TTLL11: variants seen among roughly 807,000 people sequenced by gnomAD.
TTLL11 encodes the protein tubulin polyglutamylase TTLL11.
A neutral mutation model predicts 51.7 loss-of-function variants in TTLL11; 42 were observed. That is an observed-to-expected ratio of 0.81 (90% CI 0.64 to 1.05). The LOEUF (loss-of-function observed/expected upper bound fraction) is 1.05. TTLL11 is among the 50% of genes least tolerant of loss of function. TTLL11 has a pLI of 0.00. For synonymous variants in TTLL11, 381 were observed against 383.5 expected (o/e 0.99, Z 0.08); for missense variants, 799 against 940.4 (o/e 0.85, Z 1.97).
At chr9:122,064,326 A>C (rs1845514635) in intron 1 of TTLL11, among the ~76,000 whole-genome samples, 1 of 152,206 alleles carries the variant, frequency 6.6e-6, no homozygotes, top group South Asian at 2.1e-4. Flanking sequence ...AAGAAGGCTA[A>C]ATTCTAAAAT....
intron 6 of TTLL11, among the ~76,000 whole-genome samples, chr9:121,881,748 G>A (rs1164493343): frequency 6.6e-6 from 1 of 152,198 alleles, no homozygotes; most frequent in Non-Finnish European, 1.5e-5. Context: ...CTCAGACAAG[G>A]GTGTCCTGAC....
chr9:121,893,707 G>A (rs1209215647), intron 6 of TTLL11, among the ~76,000 whole-genome samples: 1 of 152,094 alleles, frequency 6.6e-6, no homozygotes, highest in African/African-American at 2.4e-5. Flanking sequence ...ACCCCACAGA[G>A]AGCTGTAGGT....
chr9:122,014,932 C>T (rs1009326574), intron 3 of TTLL11, among the ~76,000 whole-genome samples: 3 of 152,206 alleles, frequency 2.0e-5, no homozygotes, highest in African/African-American at 7.2e-5. Flanking sequence ...ATCCACAGCA[C>T]TTGGCACTTA....
chr9:121,974,862 A>T (rs1564336021), intron 5 of TTLL11, 22 bp downstream of exon 5: 1 of 1,513,360 alleles, frequency 6.6e-7, no homozygotes, highest in Admixed American at 2.1e-5. Flanking sequence ...AACATAGTCA[A>T]TGAGATGCTC....
chr9:121,827,394 G>A (rs892273116), intron 8 of TTLL11, among the ~76,000 whole-genome samples: 3 of 152,142 alleles, frequency 2.0e-5, no homozygotes, highest in Non-Finnish European at 4.4e-5. Context: ...GAAGGGTGGG[G>A]ACGGGAAGTA....
chr9:121,978,634 C>T (rs1324132558), intron 4 of TTLL11, among the ~76,000 whole-genome samples: 1 of 152,128 alleles, frequency 6.6e-6, no homozygotes, highest in Non-Finnish European at 1.5e-5. Flanking sequence ...GTAATTAAAT[C>T]AGCAATTATG....
At chr9:121,923,181 T>C (rs1268426244) in intron 6 of TTLL11, among the ~76,000 whole-genome samples, 2 of 152,184 alleles carry the variant, frequency 1.3e-5, no homozygotes, top group African/African-American at 4.8e-5. Flanking sequence ...CAAAATTGAG[T>C]ACCACATAAA....
rs2131952834 is a variant in TTLL11, at chr9:122,092,677, C to T, written c.462+10G>A. On this transcript the variant is annotated intron_variant, in intron 1 of 8. Coordinates refer to ENST00000321582, the MANE Select transcript of TTLL11 (RefSeq NM_001139442.2). Reference sequence around the variant, plus strand: ...CTGTGCCCACGCGGCCGGGTCGGGCCGGGCCTCACCTCCTTCCACTTGAGC... The same window carrying T: ...CTGTGCCCACGCGGCCGGGTCGGGCTGGGCCTCACCTCCTTCCACTTGAGC... 6.5e-7 allele frequency: 1 copy of T among 1,536,612 alleles called. No homozygotes were observed. Among genetic ancestry groups the T allele is most frequent in the Non-Finnish European group, 8.7e-7 (1 of 1,146,728 alleles).
chr9:122,050,350 C>A (rs1328275028), intron 1 of TTLL11, among the ~76,000 whole-genome samples: 4 of 152,148 alleles, frequency 2.6e-5, no homozygotes, highest in African/African-American at 4.8e-5. Context: ...AAGGACACTG[C>A]GGTGTGCGTG....
At chr9:122,000,739 CG>C (rs1024688584) in intron 3 of TTLL11, among the ~76,000 whole-genome samples, 33 of 152,264 alleles carry the variant, frequency 2.2e-4, no homozygotes, top group African/African-American at 7.5e-4. Flanking sequence ...CAGCTGCCCT[CG>C]GGGCTGTTGT....
In TTLL11 at chr9:122,033,109, A is replaced by ATTTCTT. The variant is rs1440043198; in HGVS notation, c.560-1259_560-1254dup. ...AGCCGCCATGCCTGGCATCATCCTT[A>ATTTCTT]TTTCTTTTTCTTTTTCTTTTTAGGC... On this transcript the variant is annotated intron_variant, in intron 2 of 8. Transcript: ENST00000321582. Among the ~76,000 whole-genome samples the ATTTCTT allele has an allele frequency of 8.0e-5, 12 of 150,804 alleles. No individual in the cohort carries two copies. The East Asian group carries it at 2.2e-3, about 27-fold the overall frequency.
intron 1 of TTLL11, among the ~76,000 whole-genome samples, chr9:122,092,265 T>C (rs1347695004): frequency 6.6e-6 from 1 of 152,108 alleles, no homozygotes; most frequent in Non-Finnish European, 1.5e-5. Flanking sequence ...GCCTCCAAAA[T>C]AAAAAGTGTT....
chr9:121,870,826 G>C, intron 6 of TTLL11, 78 bp from the exon 7 acceptor site: 1 of 1,426,870 alleles, frequency 7.0e-7, no homozygotes, highest in Non-Finnish European at 9.3e-7. Flanking sequence ...AGCCTCCTCG[G>C]GAGGCAGCAT....
Position 121,899,378 on chromosome 9 carries a change from C to CATATATATAT in TTLL11, c.1482-28640_1482-28631dup, listed in dbSNP as rs747040027. The stretch of plus-strand genomic sequence containing the variant: ...GTATGTGTGTGTGTATATATATATA[C>CATATATATAT]ATATATATATATATATATATATATA... On this transcript the variant is annotated intron_variant, in intron 6 of 8. Coordinates refer to ENST00000321582, the MANE Select transcript of TTLL11 (RefSeq NM_001139442.2). Among the ~76,000 whole-genome samples the CATATATATAT allele has an allele frequency of 1.3e-3, 172 of 130,406 alleles. 2 individuals carry two copies. Among genetic ancestry groups the CATATATATAT allele is most frequent in the Admixed American group, 6.3e-3 (76 of 12,082 alleles). The allele number at this position is 130,406 out of a possible 152,430, so 85.6% of individuals were successfully genotyped here.
At chr9:122,084,904 A>G (rs1846085375) in intron 1 of TTLL11, among the ~76,000 whole-genome samples, 1 of 152,172 alleles carries the variant, frequency 6.6e-6, no homozygotes, top group African/African-American at 2.4e-5. Context: ...AAGTCAAGAT[A>G]CTGATGTCAC....
intron 8 of TTLL11, among the ~76,000 whole-genome samples, chr9:121,826,690 G>C (rs10985407): frequency 0.65 from 98,023 of 150,310 alleles, 32,678 homozygotes; most frequent in East Asian, 0.79. Flanking sequence ...TGGAGCATCC[G>C]TGCCAAGGGT....
chr9:121,871,429 G>C (rs1364965113), intron 6 of TTLL11, among the ~76,000 whole-genome samples: 1 of 151,974 alleles, frequency 6.6e-6, no homozygotes, highest in African/African-American at 2.4e-5. Context: ...CCATCTCCTT[G>C]AACGTCACAA....
Position 121,987,777 on chromosome 9 carries a change from C to A in TTLL11, c.1269+1418G>T, listed in dbSNP as rs186132591. 1.8e-3 allele frequency among the ~76,000 whole-genome samples: 275 copies of A among 152,232 alleles called. 2 individuals are homozygous for A. The highest frequency in any genetic ancestry group is 6.2e-3 in the African/African-American group (259 of 41,536). On this transcript the variant is annotated intron_variant, in intron 4 of 8. Coordinates refer to ENST00000321582, the MANE Select transcript of TTLL11 (RefSeq NM_001139442.2). ...GGCCTCCTTTCCTGGCTCCCTCCCCCTCCCCTGCCTTTCCCTTAGTGAAAT... is the reference window on the plus strand; with the variant it reads ...GGCCTCCTTTCCTGGCTCCCTCCCCATCCCCTGCCTTTCCCTTAGTGAAAT...
At chr9:122,020,770 T>C (rs570516531) in intron 3 of TTLL11, among the ~76,000 whole-genome samples, 18 of 152,158 alleles carry the variant, frequency 1.2e-4, no homozygotes, top group Non-Finnish European at 2.5e-4. Flanking sequence ...TAGTCCTTTC[T>C]CTCTACCAGG....
Sources: allele counts gnomAD v4.1 joint callset (sites outside exome capture counted in the v4.1 genomes callset), GRCh38; gene constraint gnomAD v4.1.1; transcripts MANE v1.5; gene names NCBI Gene and HGNC (gene_info 2026-07-23, HGNC 2026-07-21).